Variants in QTMAN observed in about 807,000 individuals in gnomAD.
QTMAN encodes the protein queuosine-tRNA mannosyltransferase.
At chr2:144,324,448 T>A in the QTMAN span, among the ~76,000 whole-genome samples, 1 of 152,102 alleles carries the variant, frequency 6.6e-6, no homozygotes, top group Admixed American at 6.5e-5. Context: ...TAAAAAAGAC[T>A]AATCCCCCCC....
At chr2:144,264,998 A>G in the QTMAN span, among the ~76,000 whole-genome samples, 2 of 152,244 alleles carry the variant, frequency 1.3e-5, no homozygotes, top group African/African-American at 4.8e-5. Context: ...AATCCTGTCT[A>G]CAGGAAGACA....
At chr2:144,269,085 G>A in the QTMAN span, among the ~76,000 whole-genome samples, 329 of 152,230 alleles carry the variant, frequency 2.2e-3, 1 homozygote, top group Middle Eastern at 6.8e-3. Flanking sequence ...CACTGCACTC[G>A]GCCCCCAAGT....
At chr2:144,275,333 G>A in the QTMAN span, among the ~76,000 whole-genome samples, 2 of 151,272 alleles carry the variant, frequency 1.3e-5, no homozygotes, top group South Asian at 2.1e-4. Flanking sequence ...GCAGTAAGCC[G>A]AGATTGCACC....
chr2:144,223,238 A>C, the QTMAN span, among the ~76,000 whole-genome samples: 1 of 152,164 alleles, frequency 6.6e-6, no homozygotes. Flanking sequence ...AAAGTATACA[A>C]ATAATTAAGA....
At chr2:144,222,668 C>A in the QTMAN span, among the ~76,000 whole-genome samples, 46 of 152,032 alleles carry the variant, frequency 3.0e-4, no homozygotes, top group African/African-American at 1.1e-3. Flanking sequence ...ATTAGCCAGG[C>A]ATGGTGGCAG....
At chr2:144,039,166 A>G in the QTMAN span, among the ~76,000 whole-genome samples, 1 of 152,216 alleles carries the variant, frequency 6.6e-6, no homozygotes, top group Non-Finnish European at 1.5e-5. Flanking sequence ...AGTTTTAGAC[A>G]TACTACATTA....
At chr2:144,274,252 A>T in the QTMAN span, among the ~76,000 whole-genome samples, 1 of 152,228 alleles carries the variant, frequency 6.6e-6, no homozygotes, top group Non-Finnish European at 1.5e-5. Flanking sequence ...TTTGGTCTTC[A>T]ACCTCAGTTC....
the QTMAN span, among the ~76,000 whole-genome samples, chr2:144,199,717 G>A: frequency 7.9e-5 from 12 of 152,180 alleles, no homozygotes; most frequent in African/African-American, 2.9e-4. Flanking sequence ...AAATGAAGCA[G>A]TGAATGAGCT....
chr2:144,021,547 CCT>C, the QTMAN span, among the ~76,000 whole-genome samples: 19 of 152,234 alleles, frequency 1.2e-4, no homozygotes, highest in Admixed American at 1.0e-3. Flanking sequence ...AGAATTGAGG[CCT>C]CCAGGAAGGT....
chr2:144,151,235 T>G, the QTMAN span, among the ~76,000 whole-genome samples: 1 of 152,152 alleles, frequency 6.6e-6, no homozygotes, highest in Non-Finnish European at 1.5e-5. Flanking sequence ...TGTTTTGCCA[T>G]GTTAAAAATT....
chr2:144,108,219 A>C, the QTMAN span, among the ~76,000 whole-genome samples: 17 of 152,078 alleles, frequency 1.1e-4, no homozygotes, highest in Admixed American at 2.6e-4. Context: ...CTCTCTCACC[A>C]CTCCTATTCA....
At chr2:143,977,926 T>C in the QTMAN span, among the ~76,000 whole-genome samples, 1 of 152,176 alleles carries the variant, frequency 6.6e-6, no homozygotes, top group Admixed American at 6.5e-5. Flanking sequence ...GTTTCCTTCC[T>C]AAAGTCTGTG....
At chr2:144,034,777 GC>G in the QTMAN span, among the ~76,000 whole-genome samples, 1 of 152,136 alleles carries the variant, frequency 6.6e-6, no homozygotes, top group African/African-American at 2.4e-5. Flanking sequence ...ATTACCTGGT[GC>G]CTGATCTTCT....
At chr2:144,296,914 A>T in the QTMAN span, among the ~76,000 whole-genome samples, 1 of 152,222 alleles carries the variant, frequency 6.6e-6, no homozygotes, top group African/African-American at 2.4e-5. Flanking sequence ...AACTTCAAAG[A>T]ATGATTGCTT....
chr2:144,182,244 T>C, the QTMAN span, among the ~76,000 whole-genome samples: 1 of 152,120 alleles, frequency 6.6e-6, no homozygotes, highest in East Asian at 1.9e-4. Flanking sequence ...TAATAATACA[T>C]AGTTTTTTAA....
the QTMAN span, among the ~76,000 whole-genome samples, chr2:144,202,168 T>G: frequency 6.6e-6 from 1 of 151,862 alleles, no homozygotes; most frequent in African/African-American, 2.4e-5. Context: ...CCAAAGAGGG[T>G]AGTTGGCCAA....
the QTMAN span, among the ~76,000 whole-genome samples, chr2:144,283,120 T>C: frequency 1.3e-5 from 2 of 152,210 alleles, no homozygotes; most frequent in African/African-American, 2.4e-5. Context: ...AGTATTTCCC[T>C]GAGTTCTGTG....
chr2:144,051,002 A>C, the QTMAN span, among the ~76,000 whole-genome samples: 1 of 152,196 alleles, frequency 6.6e-6, no homozygotes, highest in Non-Finnish European at 1.5e-5. Context: ...TGTGATTATT[A>C]AGTTGTAGAA....
the QTMAN span, among the ~76,000 whole-genome samples, chr2:143,982,051 ATACT>A: frequency 6.6e-6 from 1 of 152,206 alleles, no homozygotes; most frequent in Non-Finnish European, 1.5e-5. Context: ...GGTAGACTAA[ATACT>A]TACATGGAAA....
Sources: gnomAD v4.1 joint callset for allele counts (sites outside exome capture counted in the v4.1 genomes callset) on GRCh38, gnomAD v4.1.1 for gene constraint, MANE v1.5 for transcripts, NCBI Gene and HGNC (gene_info 2026-07-23, HGNC 2026-07-21) for gene names.